GRIK2: variants seen among roughly 807,000 people sequenced by gnomAD.
GRIK2 encodes the protein glutamate receptor ionotropic, kainate 2.
A neutral mutation model predicts 100.3 loss-of-function variants in GRIK2; 32 were observed. The ratio of observed to expected loss-of-function variants is 0.32; its 90% CI spans 0.24 to 0.43. The LOEUF is 0.43. Ranked by LOEUF, GRIK2 falls within the 20% of genes least tolerant of loss-of-function variation. GRIK2 has a pLI of 1.00. For missense variants in GRIK2, 843 were observed against 1,114.9 expected (o/e 0.76, Z 3.47); for synonymous variants, 417 against 389.4 (o/e 1.07, Z -0.83).
chr6:101,789,088 T>C (rs1224540419), intron 7 of GRIK2, among the ~76,000 whole-genome samples: 1 of 152,178 alleles, frequency 6.6e-6, no homozygotes, highest in Non-Finnish European at 1.5e-5. Flanking sequence ...TTGAGTTCAT[T>C]GTAGATTCTG....
chr6:101,994,494 T>A (rs888182523), intron 14 of GRIK2, among the ~76,000 whole-genome samples: 4 of 151,886 alleles, frequency 2.6e-5, no homozygotes, highest in Non-Finnish European at 4.4e-5. Flanking sequence ...ATACTTTTTT[T>A]ATATCACAAA....
chr6:102,005,099 T>C (rs1004482680), intron 14 of GRIK2, among the ~76,000 whole-genome samples: 23 of 150,330 alleles, frequency 1.5e-4, no homozygotes, highest in Admixed American at 1.5e-3. Context: ...GGTTTATGTT[T>C]GTACTGACTA....
intron 15 of GRIK2, 120 bp from the exon 16 acceptor site, chr6:102,055,203 CTTCTGAA>C (rs1771405027): frequency 1.6e-6 from 1 of 614,320 alleles, no homozygotes; most frequent in African/African-American, 1.9e-5. Flanking sequence ...TTGTTTTTCT[CTTCTGAA>C]AAAACATTGG....
rs1169007698 is a variant in GRIK2, at chr6:101,902,818, T to A, written c.1748+12955T>A. 3.9e-5 allele frequency among the ~76,000 whole-genome samples: 6 copies of A among 151,990 alleles called. No homozygotes were observed. The East Asian group carries it at 1.2e-3, about 29-fold the overall frequency. Reference sequence around the variant, plus strand: ...ATTATAAACATCAATTATTTTTACCTGAAAGTTCAGTAATAGCTTCAGGGC... The same window carrying A: ...ATTATAAACATCAATTATTTTTACCAGAAAGTTCAGTAATAGCTTCAGGGC... On this transcript the variant is annotated intron_variant, in intron 12 of 16. Coordinates refer to ENST00000369134, the MANE Select transcript of GRIK2 (RefSeq NM_021956.5).
intron 13 of GRIK2, among the ~76,000 whole-genome samples, chr6:101,925,547 G>A (rs1041561592): frequency 4.1e-5 from 6 of 147,982 alleles, no homozygotes; most frequent in Non-Finnish European, 9.0e-5. Flanking sequence ...TATTAGTCAA[G>A]GTCTAAGACT....
At chr6:101,864,058 A>G (rs540677608) in intron 11 of GRIK2, among the ~76,000 whole-genome samples, 2 of 149,426 alleles carry the variant, frequency 1.3e-5, no homozygotes, top group South Asian at 2.1e-4. Context: ...AATGGCGTGA[A>G]CCCGGGAAGC....
At chr6:101,847,553 G>A (rs1783881910) in intron 10 of GRIK2, among the ~76,000 whole-genome samples, 1 of 152,050 alleles carries the variant, frequency 6.6e-6, no homozygotes, top group Admixed American at 6.6e-5. Flanking sequence ...ACTTGACAGA[G>A]ATTTCCTTAA....
chr6:101,645,196 T>A (rs1314732810), intron 4 of GRIK2, among the ~76,000 whole-genome samples: 1 of 151,768 alleles, frequency 6.6e-6, no homozygotes, highest in African/African-American at 2.4e-5. Context: ...ACCATAATCT[T>A]ACCCAAATGA....
chr6:102,021,228 A>G (rs1025336142), intron 14 of GRIK2, among the ~76,000 whole-genome samples: 24 of 151,908 alleles, frequency 1.6e-4, no homozygotes, highest in Admixed American at 1.6e-3. Flanking sequence ...TATTACTGGC[A>G]TTGATTCCCT....
At chr6:101,902,282 GA>G (rs1787900812) in intron 12 of GRIK2, among the ~76,000 whole-genome samples, 1 of 151,928 alleles carries the variant, frequency 6.6e-6, no homozygotes, top group African/African-American at 2.4e-5. Context: ...CAAGAGAAGG[GA>G]AAAACAGTAA....
chr6:101,857,196 A>C (rs934562986), intron 10 of GRIK2, among the ~76,000 whole-genome samples: 4 of 152,184 alleles, frequency 2.6e-5, no homozygotes, highest in Admixed American at 6.5e-5. Flanking sequence ...ATGTGGAGGT[A>C]AATGAAAATA....
At chr6:101,792,256 A>T (rs1378989262) in intron 7 of GRIK2, among the ~76,000 whole-genome samples, 4 of 151,206 alleles carry the variant, frequency 2.6e-5, no homozygotes, top group South Asian at 2.1e-4. Flanking sequence ...CATTATGATG[A>T]TAGCTGGTTA....
rs9485560 is a variant in GRIK2 at position 101,925,268 on chromosome 6, G to A, written c.1867+549G>A. 6.8e-3 allele frequency among the ~76,000 whole-genome samples: 1,038 copies of A among 152,010 alleles called. 10 individuals are homozygous for A. Among genetic ancestry groups the A allele is most frequent in the African/African-American group, 0.024 (1,005 of 41,492 alleles). On this transcript the variant is annotated intron_variant, in intron 13 of 16. Coordinates refer to ENST00000369134, the MANE Select transcript of GRIK2 (RefSeq NM_021956.5). The stretch of plus-strand genomic sequence containing the variant: ...TAAGAATATAAAATATTGCATGCTC[G>A]GAAGTGCATGCAAAAATACTTTTTC...
At chr6:101,420,395 G>A (rs1049395673) in intron 2 of GRIK2, among the ~76,000 whole-genome samples, 1 of 152,110 alleles carries the variant, frequency 6.6e-6, no homozygotes, top group Admixed American at 6.5e-5. Flanking sequence ...AAACATATGA[G>A]GTTGAACCAT....
intron 10 of GRIK2, among the ~76,000 whole-genome samples, chr6:101,845,447 CATA>C (rs1783752813): frequency 1.3e-5 from 2 of 152,116 alleles, no homozygotes; most frequent in African/African-American, 4.8e-5. Flanking sequence ...TTTCACTTAG[CATA>C]ATATTTTCAA....
chr6:101,859,572 C>G, intron 11 of GRIK2, 79 bp downstream of exon 11: 1 of 787,812 alleles, frequency 1.3e-6, no homozygotes, highest in Admixed American at 1.9e-5. Context: ...TATGAAATAA[C>G]TACAAAGAGT....
chr6:101,729,307 T>C (rs1250737706), intron 7 of GRIK2, among the ~76,000 whole-genome samples: 1 of 152,008 alleles, frequency 6.6e-6, no homozygotes, highest in Non-Finnish European at 1.5e-5. Context: ...TTTCTATCTA[T>C]AGATCTACCT....
intron 7 of GRIK2, among the ~76,000 whole-genome samples, chr6:101,734,067 A>C (rs535658162): frequency 1.3e-5 from 2 of 152,126 alleles, no homozygotes; most frequent in African/African-American, 4.8e-5. Context: ...TACAGCCTCC[A>C]CCCACTACTG....
intron 7 of GRIK2, among the ~76,000 whole-genome samples, chr6:101,793,486 T>TG (rs532866570): frequency 6.6e-5 from 10 of 152,320 alleles, no homozygotes; most frequent in Admixed American, 1.3e-4. Flanking sequence ...AGACCCTGTT[T>TG]GCCTGGGTAT....
Sources: allele counts gnomAD v4.1 joint callset (sites outside exome capture counted in the v4.1 genomes callset), GRCh38; gene constraint gnomAD v4.1.1; transcripts MANE v1.5; gene names NCBI Gene and HGNC (gene_info 2026-07-23, HGNC 2026-07-21).